Variants in MANBAL observed in about 807,000 individuals in gnomAD.
MANBAL encodes the protein protein MANBAL.
Under a neutral mutation model 6.4 loss-of-function variants are expected in MANBAL, and 1 was observed. That is an observed-to-expected ratio of 0.16 (90% confidence interval 0.06 to 0.74). The LOEUF (loss-of-function observed/expected upper bound fraction) is 0.74, where lower values mean the gene tolerates loss of function less well. Among genes scored for constraint, MANBAL ranks in the 30% least tolerant of loss-of-function variants. MANBAL has a pLI of 0.78. For synonymous variants in MANBAL, 47 were observed against 45.8 expected (o/e 1.03, Z -0.10); for missense variants, 100 against 107.8 (o/e 0.93, Z 0.32).
intron 1 of MANBAL, among the ~76,000 whole-genome samples, chr20:37,292,036 C>T (rs2068883403): frequency 2.0e-5 from 3 of 152,202 alleles, no homozygotes; most frequent in Admixed American, 2.0e-4. Context: ...TATGAGTTAT[C>T]ATTGTTGACA....
In MANBAL at chr20:37,316,354, C is replaced by T. The variant is rs768434136; in HGVS notation, c.197C>T (p.Pro66Leu). 1 of 1,613,792 alleles carries T rather than the reference C, an allele frequency of 6.2e-7. No homozygotes were observed. Among genetic ancestry groups the T allele is most frequent in the Non-Finnish European group, 8.5e-7 (1 of 1,179,920 alleles). Residue 66 changes from proline (P) to leucine (L), a missense_variant, in exon 3 of 3, where the codon CCC (proline) becomes CTC (leucine). Transcript: ENST00000373606. ...EPRSAEVTRK[P>L]KAAVPSVNKR... is the part of the protein sequence containing the mutation. ...AGAAGTGCTGAGGTGACGAGGAAGC[C>T]CAAGGCTGCTGTTCCTTCTGTGAAC...
At chr20:37,310,320 G>T (rs1472914817) in intron 2 of MANBAL, among the ~76,000 whole-genome samples, 2 of 152,218 alleles carry the variant, frequency 1.3e-5, no homozygotes, top group Non-Finnish European at 2.9e-5. Context: ...CCCTGTCTCA[G>T]GCCCTCATGG....
At chr20:37,296,057 A>G (rs547378025) in intron 1 of MANBAL, among the ~76,000 whole-genome samples, 2 of 152,130 alleles carry the variant, frequency 1.3e-5, no homozygotes, top group African/African-American at 2.4e-5. Context: ...CTCCTGTTAC[A>G]CCTGTGCTGT....
chr20:37,302,936 C>A (rs2069171221), intron 2 of MANBAL, among the ~76,000 whole-genome samples: 1 of 152,100 alleles, frequency 6.6e-6, no homozygotes. Flanking sequence ...GTGTGCGAGA[C>A]AGGGTCTTGT....
At chr20:37,290,912 A>C (rs1421252776) in intron 1 of MANBAL, among the ~76,000 whole-genome samples, 1 of 152,238 alleles carries the variant, frequency 6.6e-6, no homozygotes, top group Non-Finnish European at 1.5e-5. Context: ...GCCTGGCCTA[A>C]AACAGTAACT....
intron 2 of MANBAL, 140 bp from the exon 3 acceptor site, chr20:37,316,168 G>A: frequency 1.3e-6 from 1 of 749,144 alleles, no homozygotes; most frequent in Non-Finnish European, 2.2e-6. Context: ...CCACATCCGT[G>A]TGGGTGGTAG....
At chr20:37,293,676 T>G (rs2068924826) in intron 1 of MANBAL, among the ~76,000 whole-genome samples, 1 of 152,138 alleles carries the variant, frequency 6.6e-6, no homozygotes, top group Non-Finnish European at 1.5e-5. Context: ...CTCCCACCAT[T>G]CACCATACAT....
chr20:37,293,687 T>C (rs113048353), intron 1 of MANBAL, among the ~76,000 whole-genome samples: 1,837 of 152,222 alleles, frequency 0.012, 24 homozygotes, highest in Non-Finnish European at 0.017. Context: ...CACCATACAT[T>C]TACTTAATTG....
chr20:37,298,770 C>T (rs1357440361), intron 1 of MANBAL: 1 of 151,182 alleles, frequency 6.6e-6, no homozygotes. Context: ...CAGGATCTCT[C>T]ACCCCGTCAC....
intron 2 of MANBAL, among the ~76,000 whole-genome samples, chr20:37,310,103 C>T (rs1302149976): frequency 3.3e-5 from 5 of 152,170 alleles, no homozygotes; most frequent in Non-Finnish European, 5.9e-5. Context: ...CCAGCATAGT[C>T]GTGCTGAATT....
At chr20:37,302,474 A>G (rs1352276490) in intron 2 of MANBAL, among the ~76,000 whole-genome samples, 3 of 152,192 alleles carry the variant, frequency 2.0e-5, no homozygotes, top group African/African-American at 7.2e-5. Flanking sequence ...AAATCCGGTC[A>G]GTCTTTCACC....
chr20:37,304,414 TC>T (rs1486692868), intron 2 of MANBAL, among the ~76,000 whole-genome samples: 1 of 152,230 alleles, frequency 6.6e-6, no homozygotes, highest in East Asian at 1.9e-4. Context: ...CCTATTCCCT[TC>T]CTTCCCACAT....
chr20:37,301,187 C>T (rs1187888356), intron 1 of MANBAL, 21 bp from the exon 2 acceptor site: 1 of 1,294,656 alleles, frequency 7.7e-7, no homozygotes. Context: ...AAATATGACA[C>T]TGACCCTTTG....
In MANBAL at chr20:37,301,236, A is replaced by C; in HGVS notation, c.-28A>C. On this transcript the variant is annotated 5_prime_UTR_variant, in exon 2 of 3. Coordinates refer to ENST00000373606, the MANE Select transcript of MANBAL (RefSeq NM_001003897.2). The stretch of plus-strand genomic sequence containing the variant: ...GTTCTAAAGAGTGGTGAGTCAGAAG[A>C]GACGTCAGGCAGCAAGCGACTTGGG... 6.4e-7 allele frequency: 1 copy of C among 1,558,672 alleles called. No individual in the cohort carries two copies. Among genetic ancestry groups the C allele is most frequent in the Non-Finnish European group, 8.7e-7 (1 of 1,148,092 alleles).
chr20:37,305,594 ATC>A (rs886656757), intron 2 of MANBAL, among the ~76,000 whole-genome samples: 16 of 151,934 alleles, frequency 1.1e-4, no homozygotes, highest in African/African-American at 3.9e-4. Flanking sequence ...AGTACATGAC[ATC>A]TCTCATTTTT....
chr20:37,297,648 T>C, intron 1 of MANBAL: 1 of 150,548 alleles, frequency 6.6e-6, no homozygotes, highest in Non-Finnish European at 1.5e-5. Flanking sequence ...CGGCAGGCCT[T>C]TTTTTTTTTT....
chr20:37,291,021 A>G (rs898809309), intron 1 of MANBAL, among the ~76,000 whole-genome samples: 2 of 152,250 alleles, frequency 1.3e-5, no homozygotes, highest in Admixed American at 1.3e-4. Flanking sequence ...CTACCAGCAC[A>G]GTACACAACA....
At chr20:37,313,392 G>GT (rs1420019562) in intron 2 of MANBAL, among the ~76,000 whole-genome samples, 2 of 140,822 alleles carry the variant, frequency 1.4e-5, no homozygotes, top group African/African-American at 5.3e-5. Flanking sequence ...AAGAAAACAT[G>GT]TAACTATGGG....
intron 1 of MANBAL, among the ~76,000 whole-genome samples, chr20:37,292,259 A>G (rs547041349): frequency 6.6e-5 from 10 of 152,128 alleles, no homozygotes; most frequent in Non-Finnish European, 8.8e-5. Context: ...CTGTTCCCCT[A>G]TTTTTTGCTT....
Sources: gnomAD v4.1 joint callset for allele counts (sites outside exome capture counted in the v4.1 genomes callset) on GRCh38, gnomAD v4.1.1 for gene constraint, MANE v1.5 for transcripts, NCBI Gene and HGNC (gene_info 2026-07-23, HGNC 2026-07-21) for gene names.